The following APLP2 variants were observed in gnomAD, a reference collection of about 807,000 sequenced individuals.
APLP2 encodes the protein amyloid beta precursor like protein 2, also known as CDEI box-binding protein.
APLP2 carries 53 observed loss-of-function variants against 89.9 expected under a neutral mutation model. That is an observed-to-expected ratio of 0.59 (90% confidence interval 0.47 to 0.74). The LOEUF (loss-of-function observed/expected upper bound fraction) is 0.74. Among genes scored for constraint, APLP2 ranks in the 30% least tolerant of loss-of-function variants. The probability of loss-of-function intolerance (pLI) is 0.00; values close to 1 mark genes in which losing one functional copy is unlikely to be tolerated. For synonymous variants in APLP2, 372 were observed against 348.6 expected (o/e 1.07, Z -0.75); for missense variants, 973 against 975.9 (o/e 1.00, Z 0.04).
intron 13 of APLP2, chr11:130,138,738 A>G (rs1054177539): frequency 6.8e-6 from 1 of 147,432 alleles, no homozygotes; most frequent in African/African-American, 2.6e-5. Flanking sequence ...GGTGCATGCC[A>G]CCACCCTCGG....
intron 1 of APLP2, among the ~76,000 whole-genome samples, chr11:130,093,155 G>A (rs1945668956): frequency 6.6e-6 from 1 of 152,176 alleles, no homozygotes; most frequent in Non-Finnish European, 1.5e-5. Flanking sequence ...ACTGACTGAA[G>A]GATTCCTCCC....
At chr11:130,143,250 C>A in intron 16 of APLP2, 97 bp from the exon 17 acceptor site, 1 of 1,113,262 alleles carries the variant, frequency 9.0e-7, no homozygotes, top group Non-Finnish European at 1.4e-6. Context: ...TGCATTTGGT[C>A]CTCAGGGGAT....
intron 3 of APLP2, among the ~76,000 whole-genome samples, chr11:130,113,802 T>G: frequency 6.6e-6 from 1 of 152,176 alleles, no homozygotes; most frequent in Non-Finnish European, 1.5e-5. Context: ...AATAATAGTT[T>G]AAAAATAATT....
rs79158304 is a variant in APLP2, at chr11:130,129,033, G to C, written c.1297-15G>C. The C allele has an allele frequency of 1.4e-4, 223 of 1,608,280 alleles. 2 individuals carry two copies. The East Asian group carries it at 4.7e-3, about 34-fold the overall frequency. ...GTGCCACAAATCATGTGTGGTTCCT[G>C]CTTTCTTGGTTTAGCACTTCCAAGC... On this transcript the variant is annotated splice_polypyrimidine_tract_variant and intron_variant, in intron 9 of 16. Coordinates refer to ENST00000338167, the MANE Select transcript of APLP2 (RefSeq NM_001142276.2).
chr11:130,087,439 T>TAACTGA (rs1944282431), intron 1 of APLP2, among the ~76,000 whole-genome samples: 1 of 152,198 alleles, frequency 6.6e-6, no homozygotes, highest in South Asian at 2.1e-4. Flanking sequence ...AGGGGCTAAG[T>TAACTGA]AGTGGCAGCC....
At chr11:130,090,573 G>A (rs1172457453) in intron 1 of APLP2, among the ~76,000 whole-genome samples, 1 of 151,946 alleles carries the variant, frequency 6.6e-6, no homozygotes. Flanking sequence ...GGAGCACAGG[G>A]TTGGGGGTAA....
At chr11:130,095,552 G>C (rs188017263) in intron 1 of APLP2, among the ~76,000 whole-genome samples, 111 of 152,362 alleles carry the variant, frequency 7.3e-4, no homozygotes, top group African/African-American at 2.5e-3. Context: ...TGGAAGGCCT[G>C]ATAGCTGTGG....
Position 130,070,035 on chromosome 11 carries a change from C to A in APLP2, c.58C>A (p.Leu20Met), listed in dbSNP as rs774546170. Reference protein sequence around the residue: ...AATGRLLLLLLVGLTAPALAL... With the variant: ...AATGRLLLLLMVGLTAPALAL... The stretch of plus-strand genomic sequence containing the variant: ...CACGGGCAGGCTCCTGCTTCTGCTG[C>A]TGGTGGGGCTCACGGCGCCTGCCTT... The change falls in exon 1 of 17, where the codon CTG becomes ATG. Residue 20 changes from leucine to methionine, a missense_variant. Leu to Met is a conservative substitution (Grantham distance 15, BLOSUM62 2). Coordinates refer to ENST00000338167, the MANE Select transcript of APLP2 (RefSeq NM_001142276.2). 2 of 1,513,848 alleles carry A rather than the reference C, an allele frequency of 1.3e-6. No homozygotes were observed. The highest frequency in any genetic ancestry group is 1.8e-6 in the Non-Finnish European group (2 of 1,138,818). The allele number at this position is 1,513,848 out of a possible 1,614,324, so 93.8% of individuals were successfully genotyped here.
At position 130,141,545 on chromosome 11, in the gene APLP2, G is replaced by C; in HGVS notation, c.1971G>C (p.Glu657Asp). 6.2e-7 allele frequency: 1 copy of C among 1,614,050 alleles called. No homozygotes were observed. Among genetic ancestry groups the C allele is most frequent in the Middle Eastern group, 1.7e-4 (1 of 6,060 alleles). Residue 657 changes from glutamate (E) to aspartate (D), a missense_variant, in exon 15 of 17, where the codon GAG becomes GAC. Physicochemically the swap from Glu to Asp is conservative, Grantham distance 45 (BLOSUM62 2). Transcript: ENST00000338167. This position sits in a 1 kb window ranked among gnomAD's most constrained non-coding sequence, Gnocchi z 4.2. The stretch of plus-strand genomic sequence containing the variant: ...TTAAGGAAATGATTTTCAATGCCGA[G>C]AGAGTTGGAGGCCTCGAGGAAGAGC... ...LDVKEMIFNA[E>D]RVGGLEEERE...
In APLP2 at chr11:130,120,816, G is replaced by A; in HGVS notation, c.514G>A (p.Glu172Lys). ...NHQHWHTVVK[E>K]ACLTQGMTLY... ...CCAGCACTGGCACACGGTAGTCAAA[G>A]AGGTAAGAGAACTCGGGGGGAAAGT... The change falls in exon 4 of 17, where the codon GAG (glutamate) becomes AAG (lysine). Residue 172 changes from glutamate (E) to lysine (K), a missense_variant and splice_region_variant. Coordinates refer to ENST00000338167, the MANE Select transcript of APLP2 (RefSeq NM_001142276.2). 6.2e-7 allele frequency: 1 copy of A among 1,611,294 alleles called. No homozygotes were observed. Among genetic ancestry groups the A allele is most frequent in the Non-Finnish European group, 8.5e-7 (1 of 1,177,692 alleles).
intron 1 of APLP2, among the ~76,000 whole-genome samples, chr11:130,070,320 G>T (rs1940685584): frequency 6.6e-6 from 1 of 151,334 alleles, no homozygotes; most frequent in Non-Finnish European, 1.5e-5. Flanking sequence ...GGGGCTGCTG[G>T]GGGCGGCCGT....
At chr11:130,126,236 G>A (rs959797013) in intron 7 of APLP2, among the ~76,000 whole-genome samples, 1 of 152,182 alleles carries the variant, frequency 6.6e-6, no homozygotes, top group Admixed American at 6.5e-5. Flanking sequence ...CTCAAAGATA[G>A]CCAGAAGAGC....
At chr11:130,071,080 G>A (rs980110334) in intron 1 of APLP2, among the ~76,000 whole-genome samples, 2 of 152,266 alleles carry the variant, frequency 1.3e-5, no homozygotes, top group African/African-American at 4.8e-5. Context: ...GGAATGTGTA[G>A]TTCTGGTGTC....
At chr11:130,086,948 A>G (rs1944208606) in intron 1 of APLP2, among the ~76,000 whole-genome samples, 2 of 152,232 alleles carry the variant, frequency 1.3e-5, no homozygotes, top group African/African-American at 4.8e-5. Flanking sequence ...GTGATTTCAT[A>G]TGAATTTTAA....
chr11:130,122,806 G>A (rs910838951), intron 6 of APLP2, among the ~76,000 whole-genome samples: 1 of 152,276 alleles, frequency 6.6e-6, no homozygotes, highest in African/African-American at 2.4e-5. Context: ...ATCCTAAAAT[G>A]TTCCCTCCCC....
chr11:130,101,863 CT>C, intron 1 of APLP2: 1 of 444,160 alleles, frequency 2.3e-6, no homozygotes, highest in Admixed American at 2.5e-5. Context: ...CACTAATGTC[CT>C]TTTCCTGTTC....
At chr11:130,083,769 C>T (rs1565553431) in intron 1 of APLP2, among the ~76,000 whole-genome samples, 1 of 152,082 alleles carries the variant, frequency 6.6e-6, no homozygotes, top group African/African-American at 2.4e-5. Flanking sequence ...TGGCTATTGT[C>T]AGTAATTCTG....
chr11:130,085,139 T>C (rs906724799), intron 1 of APLP2, among the ~76,000 whole-genome samples: 1 of 151,180 alleles, frequency 6.6e-6, no homozygotes, highest in African/African-American at 2.5e-5. Flanking sequence ...AATAAGAAGA[T>C]TGAGTCAGTA....
rs1278493203 is a variant in APLP2 at position 130,144,270 on chromosome 11, T to C, written c.*822T>C. 1 of 152,318 alleles carries C rather than the reference T, an allele frequency of 6.6e-6. No individual in the cohort carries two copies. Among genetic ancestry groups the C allele is most frequent in the East Asian group, 1.9e-4 (1 of 5,196 alleles). 9.4% of individuals were successfully genotyped at this position (152,318 alleles called of 1,614,324 possible). ...TACCGTTCACTTCCCCTTCCAACTA[T>C]GTCCAGATGTGCAGGCTCCTCCTCT... is the stretch of plus-strand genomic sequence containing the variant. On this transcript the variant is annotated 3_prime_UTR_variant, in exon 17 of 17. Coordinates refer to ENST00000338167, the MANE Select transcript of APLP2 (RefSeq NM_001142276.2).
Sources: gnomAD v4.1 joint callset for allele counts (sites outside exome capture counted in the v4.1 genomes callset) on GRCh38, gnomAD v4.1.1 for gene constraint, Gnocchi (gnomAD v3.1) non-coding constraint, MANE v1.5 for transcripts, NCBI Gene and HGNC (gene_info 2026-07-23, HGNC 2026-07-21) for gene names.